The following CAPN2 variants were observed in gnomAD, a reference collection of about 807,000 sequenced individuals.
CAPN2 encodes the protein calpain 2.
A neutral mutation model predicts 102.3 loss-of-function variants in CAPN2; 92 were observed. The ratio of observed to expected loss-of-function variants is 0.90; its 90% CI spans 0.76 to 1.07. The LOEUF (loss-of-function observed/expected upper bound fraction) is 1.07. CAPN2 is among the 50% of genes least tolerant of loss of function. The pLI, the probability that CAPN2 is intolerant of heterozygous loss-of-function variation, is 0.00. For synonymous variants in CAPN2, 340 were observed against 355.4 expected (o/e 0.96, Z 0.49); for missense variants, 800 against 909.4 (o/e 0.88, Z 1.55).
At chr1:223,732,425 C>T (rs1660359995) in intron 2 of CAPN2, among the ~76,000 whole-genome samples, 1 of 152,182 alleles carries the variant, frequency 6.6e-6, no homozygotes. Context: ...GTGGATTATT[C>T]ATGCCTCCTC....
At chr1:223,708,215 A>G (rs894772061), upstream of CAPN2, among the ~76,000 whole-genome samples, 1 of 152,204 alleles carries the variant, frequency 6.6e-6, no homozygotes, top group African/African-American at 2.4e-5. Context: ...ATTCAAGAGT[A>G]AAGAAAGCAA....
chr1:223,764,118 C>G (rs28370138), intron 14 of CAPN2, 32 bp from the exon 15 acceptor site: 3 of 1,592,336 alleles, frequency 1.9e-6, no homozygotes, highest in African/African-American at 1.3e-5. Flanking sequence ...CCACGGGGGG[C>G]CAATAACTAT....
chr1:223,736,991 A>G (rs977729465), intron 2 of CAPN2, among the ~76,000 whole-genome samples: 3 of 152,190 alleles, frequency 2.0e-5, no homozygotes, highest in Admixed American at 2.0e-4. Context: ...GTGAGCTGTG[A>G]TTGCACCACT....
intron 2 of CAPN2, among the ~76,000 whole-genome samples, chr1:223,721,212 T>C (rs1660042704): frequency 6.6e-6 from 1 of 152,196 alleles, no homozygotes; most frequent in Non-Finnish European, 1.5e-5. Flanking sequence ...GAGAAAAATC[T>C]GCCCTTCTGG....
rs777995915 is a variant in CAPN2 at position 223,774,831 on chromosome 1, C to T, written c.2080-3C>T. ...GCTGACTTTTTTTTTTCCTTCCTCACAGTGGCTCTGTTTCTCAGTACTTTG... is the reference window on the plus strand; with the variant it reads ...GCTGACTTTTTTTTTTCCTTCCTCATAGTGGCTCTGTTTCTCAGTACTTTG... On this transcript the variant is annotated splice_region_variant and splice_polypyrimidine_tract_variant and intron_variant, in intron 20 of 20. Coordinates refer to ENST00000295006, the MANE Select transcript of CAPN2 (RefSeq NM_001748.5). The T allele has an allele frequency of 1.5e-5, 24 of 1,612,428 alleles. No individual in the cohort carries two copies. Among genetic ancestry groups the T allele is most frequent in the Non-Finnish European group, 2.0e-5 (24 of 1,179,188 alleles).
chr1:223,773,841 A>G (rs1661544337), intron 20 of CAPN2, among the ~76,000 whole-genome samples: 1 of 151,970 alleles, frequency 6.6e-6, no homozygotes, highest in Non-Finnish European at 1.5e-5. Context: ...AGGCAACAAG[A>G]GCAAAACCCT....
Position 223,759,038 on chromosome 1 carries a change from CTAT to C in CAPN2, c.1318-230_1318-228del. 1 of 558,108 alleles carries C rather than the reference CTAT, an allele frequency of 1.8e-6. No individual in the cohort carries two copies. Among genetic ancestry groups the C allele is most frequent in the South Asian group, 2.0e-5 (1 of 48,792 alleles). 34.6% of individuals were successfully genotyped at this position (558,108 alleles called of 1,614,324 possible). A position where few individuals can be genotyped will look rare whatever the true frequency, so the allele number is the denominator to read the frequency against. ...TGACCCAGGCATTGTCACTGTACTG[CTAT>C]TTTTTTAAAAAAATTTTGTTGTTTT... On this transcript the variant is annotated intron_variant, in intron 11 of 20. Transcript: ENST00000295006. The surrounding 1 kb of genome is among the most constrained non-coding windows in gnomAD (Gnocchi z 4.6).
intron 1 of CAPN2, among the ~76,000 whole-genome samples, chr1:223,706,801 T>G (rs965545529): frequency 1.3e-5 from 2 of 152,178 alleles, no homozygotes; most frequent in Non-Finnish European, 2.9e-5. Context: ...AGAACCTGGC[T>G]AGGCACGGTG....
At chr1:223,753,278 G>A (rs1660952365) in intron 9 of CAPN2, among the ~76,000 whole-genome samples, 1 of 152,110 alleles carries the variant, frequency 6.6e-6, no homozygotes, top group African/African-American at 2.4e-5. Flanking sequence ...CATGCTCACG[G>A]AAGCAGTGCT....
chr1:223,755,405 C>A lies in CAPN2; in HGVS notation c.1136-75C>A. ...CCATCCCTCTCAGAAGCCTCCAAGC[C>A]TGAGACCAGGGCCACCCCCCACCCC... is the stretch of plus-strand genomic sequence containing the variant. On this transcript the variant is annotated intron_variant, in intron 9 of 20. Coordinates refer to ENST00000295006, the MANE Select transcript of CAPN2 (RefSeq NM_001748.5). This position sits in a 1 kb window ranked among gnomAD's most constrained non-coding sequence, Gnocchi z 4.1. 6.6e-7 allele frequency: 1 copy of A among 1,509,584 alleles called. No homozygotes were observed. The highest frequency in any genetic ancestry group is 9.1e-7 in the Non-Finnish European group (1 of 1,097,688). 93.5% of individuals were successfully genotyped at this position (1,509,584 alleles called of 1,614,324 possible). A position where few individuals can be genotyped will look rare whatever the true frequency, so the allele number is the denominator to read the frequency against.
chr1:223,774,337 C>G (rs1328315621), intron 20 of CAPN2, among the ~76,000 whole-genome samples: 2 of 152,212 alleles, frequency 1.3e-5, no homozygotes, highest in Non-Finnish European at 2.9e-5. Context: ...CAGAAGCTCT[C>G]CGTTCAGTCT....
chr1:223,736,782 C>T (rs185170008), intron 2 of CAPN2, among the ~76,000 whole-genome samples: 2 of 152,268 alleles, frequency 1.3e-5, no homozygotes, highest in Non-Finnish European at 2.9e-5. Flanking sequence ...CGGTGGCTCA[C>T]GCCTGTAATC....
In CAPN2 at chr1:223,770,506, G is replaced by C. The variant is rs1295645214; in HGVS notation, c.1884G>C (p.Arg628=). Residue 628 remains arginine, a synonymous_variant, in exon 18 of 21, where the codon CGG becomes CGC. Coordinates refer to ENST00000295006, the MANE Select transcript of CAPN2 (RefSeq NM_001748.5). ...RSGTMNSYEM[R]KALEEAGFKM... ...GTACCATGAATTCCTATGAAATGCG[G>C]AAGGCATTAGAAGAAGCAGGTAACC... 2.5e-6 allele frequency: 4 copies of C among 1,613,018 alleles called. No individual in the cohort carries two copies. Among genetic ancestry groups the C allele is most frequent in the African/African-American group, 1.3e-5 (1 of 74,864 alleles).
rs906571620 is a variant in CAPN2 at position 223,727,077 on chromosome 1, C to T, written c.307+9246C>T. Among the ~76,000 whole-genome samples, 4 of 152,166 alleles carry T rather than the reference C, an allele frequency of 2.6e-5. No individual in the cohort carries two copies. Among genetic ancestry groups the T allele is most frequent in the African/African-American group, 9.7e-5 (4 of 41,436 alleles). The stretch of plus-strand genomic sequence containing the variant: ...TCCGCCTTCTTGGGCTGCCTAGGAC[C>T]TTGAGAGATGTGTCTCTCTGGGACA... On this transcript the variant is annotated intron_variant, in intron 2 of 20. Transcript: ENST00000295006. This position sits in a 1 kb window ranked among gnomAD's most constrained non-coding sequence, Gnocchi z 4.1.
intron 1 of CAPN2, among the ~76,000 whole-genome samples, chr1:223,705,587 T>C (rs1384976258): frequency 6.6e-6 from 1 of 152,172 alleles, no homozygotes; most frequent in Non-Finnish European, 1.5e-5. Flanking sequence ...TGTTCTGGCT[T>C]AGAGACATAT....
At chr1:223,710,860 C>T (rs1387540414), upstream of CAPN2, among the ~76,000 whole-genome samples, 1 of 116,740 alleles carries the variant, frequency 8.6e-6, no homozygotes, top group Non-Finnish European at 1.6e-5. Flanking sequence ...CCTTTCTGAA[C>T]CAAACCAATG....
chr1:223,714,328 T>G (rs1659820230), intron 1 of CAPN2, among the ~76,000 whole-genome samples: 1 of 152,202 alleles, frequency 6.6e-6, no homozygotes, highest in African/African-American at 2.4e-5. Flanking sequence ...CATTCATTCA[T>G]TTACTCACTC....
At chr1:223,718,536 A>G (rs369294981) in intron 2 of CAPN2, among the ~76,000 whole-genome samples, 220 of 152,352 alleles carry the variant, frequency 1.4e-3, no homozygotes, top group African/African-American at 5.1e-3. Context: ...AGTCCCAGCA[A>G]TGGGGCCTGG....
At chr1:223,757,546 C>A in intron 11 of CAPN2, 166 bp downstream of exon 11, 3 of 716,486 alleles carry the variant, frequency 4.2e-6, no homozygotes, top group Non-Finnish European at 7.3e-6. Context: ...GCTCTAGATC[C>A]CACTGGTCTA....
Sources: allele counts gnomAD v4.1 joint callset (sites outside exome capture counted in the v4.1 genomes callset), GRCh38; gene constraint gnomAD v4.1.1; non-coding constraint Gnocchi (gnomAD v3.1); transcripts MANE v1.5; gene names NCBI Gene and HGNC (gene_info 2026-07-23, HGNC 2026-07-21).